TTLL11: variants seen among roughly 807,000 people sequenced by gnomAD.
TTLL11 encodes tubulin polyglutamylase TTLL11.
Under a neutral mutation model 51.7 loss-of-function variants are expected in TTLL11, and 42 were observed. That is an observed-to-expected ratio of 0.81 (90% confidence interval 0.64 to 1.05). The LOEUF is 1.05. Ranked by LOEUF, TTLL11 falls within the 50% of genes least tolerant of loss-of-function variation. TTLL11 has a pLI of 0.00. For synonymous variants in TTLL11, 381 were observed against 383.5 expected (o/e 0.99, Z 0.08); for missense variants, 799 against 940.4 (o/e 0.85, Z 1.97).
chr9:121,886,457 A>T (rs1487150854), intron 6 of TTLL11, among the ~76,000 whole-genome samples: 1 of 152,218 alleles, frequency 6.6e-6, no homozygotes, highest in Admixed American at 6.5e-5. Flanking sequence ...GGAGAAGGCC[A>T]TGGGAACCGA....
At chr9:122,035,779 A>G (rs566222448) in intron 2 of TTLL11, among the ~76,000 whole-genome samples, 15 of 152,206 alleles carry the variant, frequency 9.9e-5, no homozygotes, top group Non-Finnish European at 1.6e-4. Context: ...TCTTGCTAAC[A>G]TGCAAGCTGA....
At chr9:122,003,517 C>G (rs1389623331) in intron 3 of TTLL11, among the ~76,000 whole-genome samples, 1 of 137,546 alleles carries the variant, frequency 7.3e-6, no homozygotes, top group African/African-American at 2.8e-5. Flanking sequence ...TGGAGTCTCG[C>G]ATTGTCGCCT....
chr9:121,948,955 A>G (rs1207022159), intron 6 of TTLL11, among the ~76,000 whole-genome samples: 1 of 152,124 alleles, frequency 6.6e-6, no homozygotes, highest in Non-Finnish European at 1.5e-5. Context: ...AGGGCTCAGC[A>G]TTTCTTACCA....
chr9:121,967,347 CCCGAGTAG>C (rs766455244), intron 6 of TTLL11, among the ~76,000 whole-genome samples: 2 of 151,114 alleles, frequency 1.3e-5, no homozygotes, highest in African/African-American at 2.4e-5. Context: ...GCCTCAGCCT[CCCGAGTAG>C]CTGGGATTAC....
intron 1 of TTLL11, among the ~76,000 whole-genome samples, chr9:122,060,767 A>C (rs534486771): frequency 2.6e-5 from 4 of 152,322 alleles, no homozygotes; most frequent in Admixed American, 2.6e-4. Context: ...TCAGCCTCAA[A>C]TCAGGACAAG....
intron 8 of TTLL11, among the ~76,000 whole-genome samples, chr9:121,851,910 C>T (rs184275094): frequency 6.6e-6 from 1 of 152,324 alleles, no homozygotes; most frequent in East Asian, 1.9e-4. Flanking sequence ...TTAGCCAAGA[C>T]CAAGGGCCAG....
intron 1 of TTLL11, among the ~76,000 whole-genome samples, chr9:122,064,809 A>T (rs1351953620): frequency 6.6e-6 from 1 of 152,142 alleles, no homozygotes; most frequent in Non-Finnish European, 1.5e-5. Context: ...AAGGAGAACA[A>T]TTTTTTCTTT....
At chr9:121,925,547 A>G (rs1840698596) in intron 6 of TTLL11, among the ~76,000 whole-genome samples, 1 of 152,054 alleles carries the variant, frequency 6.6e-6, no homozygotes, top group Admixed American at 6.5e-5. Flanking sequence ...TCTTCCTCAA[A>G]TGAGCATTGA....
chr9:121,955,209 A>T (rs184534286), intron 6 of TTLL11, among the ~76,000 whole-genome samples: 2 of 152,248 alleles, frequency 1.3e-5, no homozygotes, highest in African/African-American at 2.4e-5. Context: ...CCTGAACTTC[A>T]TTAAGCTGTC....
intron 1 of TTLL11, among the ~76,000 whole-genome samples, chr9:122,058,580 A>G (rs1845356415): frequency 6.6e-6 from 1 of 152,180 alleles, no homozygotes; most frequent in Non-Finnish European, 1.5e-5. Flanking sequence ...TTAGAATTTC[A>G]AAAGGTATCA....
At chr9:121,846,474 A>G (rs1385493918) in intron 8 of TTLL11, among the ~76,000 whole-genome samples, 1 of 152,234 alleles carries the variant, frequency 6.6e-6, no homozygotes, top group Non-Finnish European at 1.5e-5. Flanking sequence ...ACAAGAGTAG[A>G]ATATACATTC....
intron 6 of TTLL11, among the ~76,000 whole-genome samples, chr9:121,952,295 A>G (rs1013436028): frequency 6.6e-6 from 1 of 151,946 alleles, no homozygotes; most frequent in Non-Finnish European, 1.5e-5. Flanking sequence ...AAAATACAAA[A>G]ATTAGCCACG....
chr9:121,967,117 G>A (rs1306196843), intron 6 of TTLL11, among the ~76,000 whole-genome samples: 1 of 150,510 alleles, frequency 6.6e-6, no homozygotes, highest in Non-Finnish European at 1.5e-5. Flanking sequence ...CATGATCAGA[G>A]ATTGAGAACA....
At chr9:121,977,423 A>G (rs1220603136) in intron 4 of TTLL11, among the ~76,000 whole-genome samples, 3 of 152,186 alleles carry the variant, frequency 2.0e-5, no homozygotes. Context: ...TGCTCATCAT[A>G]TAGAAGGTAC....
intron 6 of TTLL11, among the ~76,000 whole-genome samples, chr9:121,892,197 C>T (rs941120668): frequency 2.7e-5 from 1 of 36,778 alleles, no homozygotes; most frequent in Non-Finnish European, 5.6e-5. Flanking sequence ...CATATATATA[C>T]ATATATACAT....
chr9:121,935,917 C>A (rs558489792), intron 6 of TTLL11, among the ~76,000 whole-genome samples: 2 of 152,182 alleles, frequency 1.3e-5, no homozygotes. Context: ...CAGAGCACAG[C>A]CCCGACAGGT....
At chr9:121,964,308 G>GT (rs1842334757) in intron 6 of TTLL11, among the ~76,000 whole-genome samples, 1 of 149,964 alleles carries the variant, frequency 6.7e-6, no homozygotes, top group Admixed American at 6.6e-5. Context: ...TTTGTTTTTT[G>GT]TTTTTTGGAG....
chr9:121,860,466 T>A, intron 7 of TTLL11, 23 bp from the exon 8 acceptor site: 1 of 1,542,032 alleles, frequency 6.5e-7, no homozygotes, highest in South Asian at 1.2e-5. Flanking sequence ...GGAAGTGACA[T>A]GTCACTGCCA....
At chr9:122,052,995 A>G (rs117121618) in intron 1 of TTLL11, among the ~76,000 whole-genome samples, 1,656 of 152,312 alleles carry the variant, frequency 0.011, 10 homozygotes, top group Non-Finnish European at 0.018. Flanking sequence ...GTCCAATTAG[A>G]GAATATTGAA....
Sources: allele counts gnomAD v4.1 joint callset (sites outside exome capture counted in the v4.1 genomes callset), GRCh38; gene constraint gnomAD v4.1.1; transcripts MANE v1.5; gene names NCBI Gene and HGNC (gene_info 2026-07-23, HGNC 2026-07-21).